DDR2: variants seen among roughly 807,000 people sequenced by gnomAD.
The protein encoded by DDR2 is discoidin domain receptor tyrosine kinase 2.
A neutral mutation model predicts 94.9 loss-of-function variants in DDR2; 27 were observed. That is an observed-to-expected ratio of 0.28 (90% CI 0.21 to 0.39). The LOEUF is 0.39. DDR2 is among the 10% of genes least tolerant of loss of function. The probability of loss-of-function intolerance (pLI) is 1.00; values close to 1 mark genes in which losing one functional copy is unlikely to be tolerated. For missense variants in DDR2, 783 were observed against 1,076.0 expected, an observed-to-expected ratio of 0.73 and a Z score of 3.81; for synonymous variants, 382 against 377.2, an observed-to-expected ratio of 1.01 and a Z score of -0.15.
Position 162,730,766 on chromosome 1 carries a change from CA to C in DDR2, c.82+11627del, listed in dbSNP as rs771425425. Among the ~76,000 whole-genome samples, 3 of 152,310 alleles carry C rather than the reference CA, an allele frequency of 2.0e-5. No homozygotes were observed. In the East Asian group the frequency reaches 5.8e-4, roughly 29 times the overall value. On this transcript the variant is annotated intron_variant, in intron 3 of 17. Coordinates refer to ENST00000367921, the MANE Select transcript of DDR2 (RefSeq NM_006182.4). ...TCTAATCTGTGTCCTGTCCGACTCT[CA>C]AAAAATCAGCTCAGCTCTTCAGAGG...
Position 162,770,412 on chromosome 1 carries a change from C to T in DDR2, c.1404C>T (p.Asn468=). The change falls in exon 12 of 18, where the codon AAC becomes AAT. Residue 468 remains asparagine (N), a synonymous_variant. Transcript: ENST00000367921. The part of the protein sequence containing the change: ...RSSSPSEQGS[N]STYDRIFPLR... ...CATCACCTAGTGAACAAGGGTCCAACTCGACTTACGATCGCATCTTTCCCC... is the reference window on the plus strand; with the variant it reads ...CATCACCTAGTGAACAAGGGTCCAATTCGACTTACGATCGCATCTTTCCCC... 1 of 1,614,150 alleles carries T rather than the reference C, an allele frequency of 6.2e-7. No homozygotes were observed. Among genetic ancestry groups the T allele is most frequent in the Admixed American group, 1.7e-5 (1 of 60,022 alleles).
intron 2 of DDR2, among the ~76,000 whole-genome samples, chr1:162,696,217 A>T (rs1161319429): frequency 2.0e-5 from 3 of 148,590 alleles, no homozygotes; most frequent in Middle Eastern, 3.4e-3. Context: ...TTTTTTTTAA[A>T]AAAAAAACAA....
At chr1:162,725,727 A>G (rs922939141) in intron 3 of DDR2, among the ~76,000 whole-genome samples, 5 of 152,238 alleles carry the variant, frequency 3.3e-5, no homozygotes, top group Admixed American at 2.6e-4. Context: ...ATGTCAGGGC[A>G]GAGGAAACCC....
chr1:162,725,037 G>A (rs1311867236), intron 3 of DDR2, among the ~76,000 whole-genome samples: 1 of 152,114 alleles, frequency 6.6e-6, no homozygotes, highest in Non-Finnish European at 1.5e-5. Context: ...CCTCTTGGTT[G>A]TGCCAAATAG....
At chr1:162,671,760 T>C (rs773918702) in intron 2 of DDR2, among the ~76,000 whole-genome samples, 26 of 152,192 alleles carry the variant, frequency 1.7e-4, no homozygotes, top group Non-Finnish European at 3.7e-4. Flanking sequence ...ACACAACATC[T>C]GTGAAGAACT....
intron 3 of DDR2, among the ~76,000 whole-genome samples, chr1:162,724,694 A>C (rs751031909): frequency 2.0e-5 from 3 of 152,134 alleles, no homozygotes; most frequent in Non-Finnish European, 4.4e-5. Flanking sequence ...GTTAACGAGA[A>C]GGTGATGCTA....
At chr1:162,728,310 A>G (rs868494499) in intron 3 of DDR2, among the ~76,000 whole-genome samples, 2 of 151,484 alleles carry the variant, frequency 1.3e-5, no homozygotes, top group African/African-American at 2.4e-5. Flanking sequence ...CAAATCTCCA[A>G]TGTCATGCTA....
At chr1:162,749,977 C>G (rs981034849) in intron 3 of DDR2, among the ~76,000 whole-genome samples, 1 of 152,282 alleles carries the variant, frequency 6.6e-6, no homozygotes, top group South Asian at 2.1e-4. Context: ...ATGCTAAAAG[C>G]TCTCAGTAAA....
intron 2 of DDR2, among the ~76,000 whole-genome samples, chr1:162,713,131 A>C (rs1281689291): frequency 3.3e-5 from 5 of 152,178 alleles, no homozygotes; most frequent in Non-Finnish European, 7.4e-5. Flanking sequence ...TAACTGATAA[A>C]GTTCAGGAAT....
At chr1:162,750,967 CT>C (rs1663162799) in intron 3 of DDR2, among the ~76,000 whole-genome samples, 2 of 152,296 alleles carry the variant, frequency 1.3e-5, no homozygotes, top group East Asian at 3.9e-4. Flanking sequence ...AATTCGATCC[CT>C]TCCTTACACC....
chr1:162,753,059 T>G (rs745767953), intron 3 of DDR2, 36 bp from the exon 4 acceptor site: 22 of 1,556,656 alleles, frequency 1.4e-5, no homozygotes, highest in Non-Finnish European at 8.0e-6. Context: ...AATAAAACCA[T>G]GTCCTCTCTT....
rs568839114 is a variant in DDR2 at position 162,699,631 on chromosome 1, T to A, written c.-27-19406T>A. On this transcript the variant is annotated intron_variant, in intron 2 of 17. Coordinates refer to ENST00000367921, the MANE Select transcript of DDR2 (RefSeq NM_006182.4). ...CAGTTATGCCATTCTCTGCTTCTTG[T>A]TTGTTGTCTTCAAAACATGAAAAAA... Among the ~76,000 whole-genome samples, 13 of 152,352 alleles carry A rather than the reference T, an allele frequency of 8.5e-5. No homozygotes were observed. In the South Asian group the frequency reaches 2.5e-3, roughly 29 times the overall value.
chr1:162,704,692 G>C (rs1235215088), intron 2 of DDR2, among the ~76,000 whole-genome samples: 1 of 152,022 alleles, frequency 6.6e-6, no homozygotes, highest in Non-Finnish European at 1.5e-5. Flanking sequence ...CCTGAAAGAG[G>C]GTGCCACCCT....
At chr1:162,671,454 G>A (rs1658834495) in intron 2 of DDR2, among the ~76,000 whole-genome samples, 1 of 152,190 alleles carries the variant, frequency 6.6e-6, no homozygotes, top group Non-Finnish European at 1.5e-5. Flanking sequence ...TGTCCCAAAT[G>A]TGTGAGTTAT....
At chr1:162,645,651 C>T (rs1005987987) in intron 1 of DDR2, among the ~76,000 whole-genome samples, 10 of 152,130 alleles carry the variant, frequency 6.6e-5, no homozygotes, top group Non-Finnish European at 2.9e-5. Context: ...GCAAAGCATG[C>T]CTGTTAGTGT....
At chr1:162,665,255 A>C (rs997439935) in intron 2 of DDR2, among the ~76,000 whole-genome samples, 18 of 152,234 alleles carry the variant, frequency 1.2e-4, no homozygotes, top group African/African-American at 4.3e-4. Context: ...CTCTTTTAAC[A>C]TAAGGCTGTG....
intron 14 of DDR2, among the ~76,000 whole-genome samples, 169 bp downstream of exon 14, chr1:162,773,765 T>C (rs1647363495): frequency 6.6e-6 from 1 of 152,218 alleles, no homozygotes; most frequent in African/African-American, 2.4e-5. Context: ...GCAGTCCTCA[T>C]CTTTTTCTCC....
rs893679980 is a variant in DDR2 at position 162,785,217 on chromosome 1, C to T, written c.*4971C>T. The T allele has an allele frequency of 3.9e-5, 6 of 152,108 alleles. No individual in the cohort carries two copies. The highest frequency in any genetic ancestry group is 1.4e-4 in the African/African-American group (6 of 41,414). 9.4% of individuals were successfully genotyped at this position (152,108 alleles called of 1,614,324 possible). ...AGGTAGCAGGATATTCTAGATGCTT[C>T]CTGCTGCTTCTACGTGAGTAGGATT... On this transcript the variant is annotated 3_prime_UTR_variant, in exon 18 of 18. Coordinates refer to ENST00000367921, the MANE Select transcript of DDR2 (RefSeq NM_006182.4).
chr1:162,782,749 T>TA lies in DDR2; in HGVS notation c.*2503_*2504insA, dbSNP rs1307430119. On this transcript the variant is annotated 3_prime_UTR_variant, in exon 18 of 18. Transcript: ENST00000367921. Reference sequence around the variant, plus strand: ...GTTATTCTATGATTCCATATTTTTTTTAAAAAAAATCATATTTAAAATGAA... The same window carrying TA: ...GTTATTCTATGATTCCATATTTTTTTATAAAAAAAATCATATTTAAAATGAA... The TA allele has an allele frequency of 3.3e-5, 5 of 152,108 alleles. No individual in the cohort carries two copies. The highest frequency in any genetic ancestry group is 1.2e-4 in the African/African-American group (5 of 41,406). 9.4% of individuals were successfully genotyped at this position (152,108 alleles called of 1,614,324 possible).
Sources: allele counts gnomAD v4.1 joint callset (sites outside exome capture counted in the v4.1 genomes callset), GRCh38; gene constraint gnomAD v4.1.1; transcripts MANE v1.5; gene names NCBI Gene and HGNC (gene_info 2026-07-23, HGNC 2026-07-21).